Variants in EXT1 observed in about 807,000 individuals in gnomAD.
The protein encoded by EXT1 is exostosin glycosyltransferase 1.
Under a neutral mutation model 82.5 loss-of-function variants are expected in EXT1, and 20 were observed. The ratio of observed to expected loss-of-function variants is 0.24; its 90% CI spans 0.17 to 0.35. The LOEUF is 0.35. Ranked by LOEUF, EXT1 falls within the 10% of genes least tolerant of loss-of-function variation. The pLI, the probability that EXT1 is intolerant of heterozygous loss-of-function variation, is 1.00. For missense variants in EXT1, 757 were observed against 936.5 expected, an observed-to-expected ratio of 0.81 and a Z score of 2.50; for synonymous variants, 348 against 350.8, an observed-to-expected ratio of 0.99 and a Z score of 0.09.
intron 1 of EXT1, among the ~76,000 whole-genome samples, chr8:117,962,127 T>C (rs1309257095): frequency 1.6e-5 from 1 of 63,310 alleles, no homozygotes; most frequent in African/African-American, 2.1e-4. Flanking sequence ...AGGTCACTGA[T>C]TTCTTCCTCA....
chr8:118,108,109 A>C (rs1817831443), intron 1 of EXT1, among the ~76,000 whole-genome samples: 1 of 152,224 alleles, frequency 6.6e-6, no homozygotes, highest in African/African-American at 2.4e-5. Context: ...TTAAAGTTTT[A>C]AAGAAACCAA....
At chr8:118,031,633 C>A (rs1199100052) in intron 1 of EXT1, among the ~76,000 whole-genome samples, 2 of 151,890 alleles carry the variant, frequency 1.3e-5, no homozygotes, top group African/African-American at 4.8e-5. Flanking sequence ...CTGTGAGCAG[C>A]CAGGCTTTGA....
rs934494460 is a variant in EXT1, at chr8:117,814,077, AAGAAGG to A, written c.1633-1122_1633-1117del. Among the ~76,000 whole-genome samples, 795 of 151,802 alleles carry A rather than the reference AAGAAGG, an allele frequency of 5.2e-3. 1 individual carries two copies. Among genetic ancestry groups the A allele is most frequent in the African/African-American group, 0.014 (569 of 41,406 alleles). ...GAAGGAGGAGAAGGAGGAGGAGGAG[AAGAAGG>A]AGAAGGAGAAGGAGAAGGAGAAGAA... On this transcript the variant is annotated intron_variant, in intron 7 of 10. Coordinates refer to ENST00000378204, the MANE Select transcript of EXT1 (RefSeq NM_000127.3).
At chr8:117,950,708 G>T (rs984629394) in intron 1 of EXT1, among the ~76,000 whole-genome samples, 1 of 152,146 alleles carries the variant, frequency 6.6e-6, no homozygotes, top group African/African-American at 2.4e-5. Flanking sequence ...CACAGAAAGA[G>T]ATTTTTAAAA....
rs554489160 is a variant in EXT1 at position 117,882,920 on chromosome 8, C to A, written c.963-45719G>T. On this transcript the variant is annotated intron_variant, in intron 1 of 10. Coordinates refer to ENST00000378204, the MANE Select transcript of EXT1 (RefSeq NM_000127.3). The stretch of plus-strand genomic sequence containing the variant: ...TGAACTGGGGAGACAGAGATTGCAG[C>A]GAGCCAAGATCATGCCACTGCACTC... 1.8e-4 allele frequency among the ~76,000 whole-genome samples: 27 copies of A among 147,994 alleles called. 1 individual carries two copies. In the South Asian group the frequency reaches 5.6e-3, roughly 30 times the overall value.
intron 1 of EXT1, among the ~76,000 whole-genome samples, chr8:117,882,672 TG>T (rs1278922142): frequency 1.3e-5 from 2 of 152,062 alleles, no homozygotes; most frequent in African/African-American, 2.4e-5. Context: ...TTTGGTATTC[TG>T]GGTATAAAAA....
chr8:117,841,592 C>T (rs1237141786), intron 1 of EXT1, among the ~76,000 whole-genome samples: 4 of 152,244 alleles, frequency 2.6e-5, no homozygotes, highest in Non-Finnish European at 5.9e-5. Context: ...AGATAATTTG[C>T]CACTCTAATA....
chr8:117,962,365 G>A (rs1814717809), intron 1 of EXT1, among the ~76,000 whole-genome samples: 1 of 152,032 alleles, frequency 6.6e-6, no homozygotes, highest in Admixed American at 6.6e-5. Flanking sequence ...AGCACTCTGG[G>A]AAGCTAAGGT....
intron 1 of EXT1, among the ~76,000 whole-genome samples, chr8:118,007,091 A>C (rs1815793222): frequency 6.6e-6 from 1 of 152,164 alleles, no homozygotes; most frequent in Non-Finnish European, 1.5e-5. Context: ...AGGTCAGGAG[A>C]TCGAGACCAT....
At chr8:117,864,950 G>C (rs1193400338) in intron 1 of EXT1, among the ~76,000 whole-genome samples, 2 of 151,134 alleles carry the variant, frequency 1.3e-5, no homozygotes, top group African/African-American at 4.9e-5. Flanking sequence ...AGTAGAAGCT[G>C]TTTTTTTTTA....
At chr8:118,012,158 A>G (rs895053133) in intron 1 of EXT1, among the ~76,000 whole-genome samples, 16 of 152,238 alleles carry the variant, frequency 1.1e-4, no homozygotes, top group African/African-American at 3.9e-4. Flanking sequence ...CAGGCCTTCA[A>G]AAGCTCTCGC....
intron 1 of EXT1, among the ~76,000 whole-genome samples, chr8:117,844,629 A>G (rs1393021786): frequency 6.6e-6 from 1 of 152,166 alleles, no homozygotes; most frequent in Non-Finnish European, 1.5e-5. Flanking sequence ...AACATAGAAT[A>G]TGGAAAAGTA....
intron 1 of EXT1, among the ~76,000 whole-genome samples, chr8:118,067,553 A>G (rs1416409166): frequency 6.6e-6 from 1 of 152,200 alleles, no homozygotes; most frequent in Non-Finnish European, 1.5e-5. Context: ...ACTAGACTAT[A>G]CACACCATAG....
intron 1 of EXT1, among the ~76,000 whole-genome samples, chr8:117,887,838 C>T (rs1813174278): frequency 6.6e-6 from 1 of 151,858 alleles, no homozygotes; most frequent in African/African-American, 2.4e-5. Flanking sequence ...GTAATCCCAG[C>T]ACTTTGGGAG....
At position 118,055,982 on chromosome 8, in the gene EXT1, C is replaced by A. The variant is rs1009407725; in HGVS notation, c.962+54103G>T. On this transcript the variant is annotated intron_variant, in intron 1 of 10. Transcript: ENST00000378204. ...AAATGATGGTCTAACACAGGGATGT[C>A]CAATCTTTTGGCTTCCCTGGGCCAC... is the stretch of plus-strand genomic sequence containing the variant. Among the ~76,000 whole-genome samples the A allele has an allele frequency of 7.9e-5, 12 of 152,226 alleles. No homozygotes were observed. In the East Asian group the frequency reaches 1.7e-3, roughly 22 times the overall value.
In EXT1 at chr8:118,064,852, A is replaced by AT. The variant is rs35880608; in HGVS notation, c.962+45232dup. ...TTCTTCAGCATCTGTTGTTTCCTGA[A>AT]TTTTTTTTTTTTTTTTTTTTTCTGA... On this transcript the variant is annotated intron_variant, in intron 1 of 10. Coordinates refer to ENST00000378204, the MANE Select transcript of EXT1 (RefSeq NM_000127.3). Among the ~76,000 whole-genome samples, 541 of 123,032 alleles carry AT rather than the reference A, an allele frequency of 4.4e-3. 4 individuals carry two copies. Among genetic ancestry groups the AT allele is most frequent in the South Asian group, 0.013 (50 of 3,722 alleles). 80.7% of individuals were successfully genotyped at this position (123,032 alleles called of 152,430 possible).
At chr8:117,936,000 G>A (rs1232778415) in intron 1 of EXT1, among the ~76,000 whole-genome samples, 1 of 152,114 alleles carries the variant, frequency 6.6e-6, no homozygotes, top group Non-Finnish European at 1.5e-5. Flanking sequence ...TCTGTAGAAG[G>A]GTGTATGGTT....
At chr8:117,978,223 C>T (rs1815109452) in intron 1 of EXT1, among the ~76,000 whole-genome samples, 1 of 152,154 alleles carries the variant, frequency 6.6e-6, no homozygotes, top group Admixed American at 6.6e-5. Flanking sequence ...ATAAAGGGTG[C>T]CCAGTGAAAT....
At chr8:117,900,021 A>T (rs1168940569) in intron 1 of EXT1, among the ~76,000 whole-genome samples, 2 of 152,158 alleles carry the variant, frequency 1.3e-5, no homozygotes, top group East Asian at 3.9e-4. Context: ...GGTCTAAGAG[A>T]CGGATTTGCC....
Sources: allele counts gnomAD v4.1 joint callset (sites outside exome capture counted in the v4.1 genomes callset), GRCh38; gene constraint gnomAD v4.1.1; transcripts MANE v1.5; gene names NCBI Gene and HGNC (gene_info 2026-07-23, HGNC 2026-07-21).